Variants in PPME1 observed in about 807,000 individuals in gnomAD.
PPME1 encodes the protein testicular secretory protein Li 39.
A neutral mutation model predicts 56.9 loss-of-function variants in PPME1; 17 were observed. The ratio of observed to expected loss-of-function variants is 0.30; its 90% CI spans 0.20 to 0.45. The LOEUF (loss-of-function observed/expected upper bound fraction) is 0.45, where lower values mean the gene tolerates loss of function less well. PPME1 is among the 20% of genes least tolerant of loss of function. The pLI is 1.00. For missense variants in PPME1, 357 were observed against 483.2 expected (o/e 0.74, Z 2.45); for synonymous variants, 122 against 156.2 (o/e 0.78, Z 1.63).
At position 74,225,240 on chromosome 11, in the gene PPME1, G is replaced by A; in HGVS notation, c.382G>A (p.Ala128Thr). 6.4e-7 allele frequency: 1 copy of A among 1,570,856 alleles called. No individual in the cohort carries two copies. Among genetic ancestry groups the A allele is most frequent in the Non-Finnish European group, 8.7e-7 (1 of 1,155,364 alleles). ...GGTCAAGAATCCTGAAGATCTGTCTGCAGAAACAATGGCAAAGTAAGTAAC... is the reference window on the plus strand; with the variant it reads ...GGTCAAGAATCCTGAAGATCTGTCTACAGAAACAATGGCAAAGTAAGTAAC... ...TKVKNPEDLS[A>T]ETMAKDVGNV... is the part of the protein sequence containing the mutation. Residue 128 changes from alanine (A) to threonine (T), a missense_variant, in exon 5 of 14, where the codon GCA becomes ACA. Coordinates refer to ENST00000328257, the MANE Select transcript of PPME1 (RefSeq NM_016147.3).
chr11:74,179,709 A>ATG (rs1458266372), intron 1 of PPME1, among the ~76,000 whole-genome samples: 1 of 152,204 alleles, frequency 6.6e-6, no homozygotes, highest in Non-Finnish European at 1.5e-5. Flanking sequence ...ATGATTCATG[A>ATG]TGTAGTTTTT....
chr11:74,175,109 A>G (rs1217319571), intron 1 of PPME1, among the ~76,000 whole-genome samples: 3 of 152,234 alleles, frequency 2.0e-5, no homozygotes, highest in Non-Finnish European at 2.9e-5. Context: ...TGAGAGAAGT[A>G]TCTTTTGAAA....
chr11:74,211,406 TTAA>T (rs1349139543), intron 3 of PPME1, among the ~76,000 whole-genome samples: 1 of 152,042 alleles, frequency 6.6e-6, no homozygotes, highest in Non-Finnish European at 1.5e-5. Context: ...AGTCTATCAG[TTAA>T]TAGTATGGTA....
At chr11:74,203,121 C>T (rs1236108997) in intron 1 of PPME1, among the ~76,000 whole-genome samples, 5 of 152,060 alleles carry the variant, frequency 3.3e-5, no homozygotes, top group African/African-American at 7.2e-5. Flanking sequence ...CTATTACAAA[C>T]GATGTTTCAT....
chr11:74,250,808 C>T (rs1859637575), intron 11 of PPME1, 146 bp from the exon 12 acceptor site: 2 of 651,666 alleles, frequency 3.1e-6, no homozygotes, highest in Admixed American at 2.6e-5. Flanking sequence ...TTACCATCCT[C>T]AGCAAGACTT....
At chr11:74,244,976 G>A (rs1008197108) in intron 9 of PPME1, among the ~76,000 whole-genome samples, 1 of 152,132 alleles carries the variant, frequency 6.6e-6, no homozygotes, top group African/African-American at 2.4e-5. Flanking sequence ...CCATTGAGTG[G>A]TCTTGGCAGT....
intron 1 of PPME1, among the ~76,000 whole-genome samples, chr11:74,175,463 T>C (rs1017035851): frequency 1.3e-5 from 2 of 151,992 alleles, no homozygotes; most frequent in African/African-American, 4.8e-5. Flanking sequence ...ATCGCGCCAT[T>C]GCACTCCAGC....
intron 4 of PPME1, 118 bp from the exon 5 acceptor site, chr11:74,225,087 G>C: frequency 1.6e-6 from 1 of 626,508 alleles, no homozygotes; most frequent in East Asian, 2.9e-5. Context: ...TAAACTCATT[G>C]TGTAAAATTG....
chr11:74,206,392 A>G (rs1475936810), intron 3 of PPME1, among the ~76,000 whole-genome samples: 1 of 152,108 alleles, frequency 6.6e-6, no homozygotes, highest in African/African-American at 2.4e-5. Context: ...TCAAGGAAAA[A>G]GGTCATATTC....
chr11:74,238,260 G>A (rs1859248298), intron 8 of PPME1: 1 of 151,028 alleles, frequency 6.6e-6, no homozygotes, highest in South Asian at 2.1e-4. Context: ...CAAAACATTT[G>A]TGAACTTACA....
intron 3 of PPME1, 110 bp downstream of exon 3, chr11:74,204,555 A>G (rs999786732): frequency 1.5e-5 from 13 of 879,046 alleles, no homozygotes; most frequent in East Asian, 2.7e-5. Context: ...AGGAATTGCT[A>G]TTCCAGGCAT....
chr11:74,187,964 G>A (rs1173778391), intron 1 of PPME1, among the ~76,000 whole-genome samples: 1 of 152,206 alleles, frequency 6.6e-6, no homozygotes, highest in Non-Finnish European at 1.5e-5. Context: ...GACCAAGTCA[G>A]AGCCTGAGAG....
intron 7 of PPME1, among the ~76,000 whole-genome samples, chr11:74,234,374 A>G (rs189836115): frequency 1.5e-4 from 23 of 152,362 alleles, no homozygotes; most frequent in African/African-American, 5.5e-4. Context: ...AAGACCTAGG[A>G]ACTTGATATT....
Position 74,225,275 on chromosome 11 carries a change from CTTATACA to C in PPME1, c.398+22_398+28del, listed in dbSNP as rs1858905587. On this transcript the variant is annotated intron_variant, in intron 5 of 13. Transcript: ENST00000328257. ...TGGCAAAGTAAGTAACCAAATATTT[CTTATACA>C]TTGCCTGTCTCCCATCACTATTATA... is the stretch of plus-strand genomic sequence containing the variant. 4.0e-6 allele frequency: 6 copies of C among 1,506,120 alleles called. No individual in the cohort carries two copies. The highest frequency in any genetic ancestry group is 4.5e-6 in the Non-Finnish European group (5 of 1,104,750). The allele number at this position is 1,506,120 out of a possible 1,614,324, so 93.3% of individuals were successfully genotyped here. A position where few individuals can be genotyped will look rare whatever the true frequency, so the allele number is the denominator to read the frequency against.
At chr11:74,223,173 A>G (rs920572917) in intron 4 of PPME1, among the ~76,000 whole-genome samples, 1 of 148,918 alleles carries the variant, frequency 6.7e-6, no homozygotes, top group African/African-American at 2.5e-5. Context: ...GTTCCCACCT[A>G]TGAGTGAGAA....
At chr11:74,199,829 T>C (rs763948121) in intron 1 of PPME1, among the ~76,000 whole-genome samples, 2 of 152,154 alleles carry the variant, frequency 1.3e-5, no homozygotes, top group Non-Finnish European at 2.9e-5. Flanking sequence ...CAAGAGAGAA[T>C]TGAGACCCAA....
chr11:74,171,328 T>G lies in PPME1; in HGVS notation c.-94T>G, dbSNP rs1857209573. ...GGTGCTGTCCAAAGGCGACAGGGCG[T>G]CGTTAGGGGAGCGAGTCGTGACCGG... On this transcript the variant is annotated 5_prime_UTR_variant, in exon 1 of 14. Coordinates refer to ENST00000328257, the MANE Select transcript of PPME1 (RefSeq NM_016147.3). 6.6e-7 allele frequency: 1 copy of G among 1,514,862 alleles called. No individual in the cohort carries two copies. The highest frequency in any genetic ancestry group is 1.3e-5 in the South Asian group (1 of 79,228). 93.8% of individuals were successfully genotyped at this position (1,514,862 alleles called of 1,614,324 possible).
intron 7 of PPME1, among the ~76,000 whole-genome samples, chr11:74,233,153 C>T (rs1287435416): frequency 6.6e-6 from 1 of 152,054 alleles, no homozygotes; most frequent in Non-Finnish European, 1.5e-5. Context: ...AACACATAAA[C>T]ATAACACAAT....
rs188251701 is a variant in PPME1, at chr11:74,242,781, A to G, written c.835-3295A>G. Among the ~76,000 whole-genome samples the G allele has an allele frequency of 4.0e-3, 587 of 146,602 alleles. 4 individuals carry two copies. Among genetic ancestry groups the G allele is most frequent in the African/African-American group, 0.014 (558 of 39,314 alleles). ...GTAGTCCCAGCTACTCGGGAGGCTG[A>G]GGCAGGAGAATCGCTTGAACCCGGG... On this transcript the variant is annotated intron_variant, in intron 9 of 13. Transcript: ENST00000328257.
Sources: gnomAD v4.1 joint callset for allele counts (sites outside exome capture counted in the v4.1 genomes callset) on GRCh38, gnomAD v4.1.1 for gene constraint, MANE v1.5 for transcripts, NCBI Gene and HGNC (gene_info 2026-07-23, HGNC 2026-07-21) for gene names.